ATP8A2: variants seen among roughly 807,000 people sequenced by gnomAD.
ATP8A2 encodes the protein ATPase phospholipid transporting 8A2.
ATP8A2 carries 100 observed loss-of-function variants against 165.6 expected under a neutral mutation model. The ratio of observed to expected loss-of-function variants is 0.60; its 90% CI spans 0.51 to 0.71. The LOEUF is 0.71. Ranked by LOEUF, ATP8A2 falls within the 30% of genes least tolerant of loss-of-function variation. The probability of loss-of-function intolerance (pLI) is 0.00; values close to 1 mark genes in which losing one functional copy is unlikely to be tolerated. For synonymous variants in ATP8A2, 543 were observed against 548.8 expected (o/e 0.99, Z 0.15); for missense variants, 1,227 against 1,479.5 (o/e 0.83, Z 2.80).
chr13:25,939,413 C>A (rs1955006005), intron 33 of ATP8A2, among the ~76,000 whole-genome samples: 1 of 152,200 alleles, frequency 6.6e-6, no homozygotes, highest in Non-Finnish European at 1.5e-5. Context: ...TCACTTCAGG[C>A]ACAGGACCAG....
intron 25 of ATP8A2, among the ~76,000 whole-genome samples, chr13:25,719,273 A>T (rs1247092955): frequency 1.4e-5 from 2 of 147,372 alleles, no homozygotes; most frequent in African/African-American, 5.4e-5. Context: ...TAATTGATTG[A>T]TTCACAGAGG....
intron 24 of ATP8A2, among the ~76,000 whole-genome samples, chr13:25,633,379 A>C (rs1593694221): frequency 6.6e-6 from 1 of 152,170 alleles, no homozygotes; most frequent in Non-Finnish European, 1.5e-5. Flanking sequence ...GATAATACAC[A>C]TCACGAGCCT....
chr13:25,969,931 C>T (rs1288913697), intron 35 of ATP8A2, among the ~76,000 whole-genome samples: 1 of 152,122 alleles, frequency 6.6e-6, no homozygotes, highest in Non-Finnish European at 1.5e-5. Flanking sequence ...CATCAGACAG[C>T]TGAGGCATAA....
Position 25,430,925 on chromosome 13 carries a change from A to G in ATP8A2, c.77-38052A>G, listed in dbSNP as rs142066102. On this transcript the variant is annotated intron_variant, in intron 1 of 36. Coordinates refer to ENST00000381655, the MANE Select transcript of ATP8A2 (RefSeq NM_016529.6). ...GGTAGTTTATAGTGGTCTTTTAAGC[A>G]TGATTATAACTCAAGGGAAGAAACT... 5.0e-3 allele frequency among the ~76,000 whole-genome samples: 758 copies of G among 151,958 alleles called. 4 individuals carry two copies. The highest frequency in any genetic ancestry group is 0.01 in the African/African-American group (417 of 41,462).
intron 24 of ATP8A2, among the ~76,000 whole-genome samples, chr13:25,653,583 A>G (rs549814775): frequency 6.6e-6 from 1 of 152,342 alleles, no homozygotes; most frequent in South Asian, 2.1e-4. Flanking sequence ...AAACCTGCCC[A>G]TGTAATCCTG....
rs1413208210 is a variant in ATP8A2, at chr13:25,581,835, G to C, written c.2024G>C (p.Gly675Ala). 6.2e-7 allele frequency: 1 copy of C among 1,614,026 alleles called. No individual in the cohort carries two copies. The highest frequency in any genetic ancestry group is 8.5e-7 in the Non-Finnish European group (1 of 1,179,954). The change falls in exon 23 of 37, where the codon GGA (glycine) becomes GCA (alanine). Residue 675 changes from glycine to alanine, a missense_variant. Physicochemically the swap from Gly to Ala is moderately conservative, Grantham distance 60. Transcript: ENST00000381655. ...TCAATGTAGAATTTGCTGCTACTTG[G>C]AGCCACAGCCATAGAAGATCGCCTT... ...EIIEKNLLLLGATAIEDRLQA... is the reference protein window; with the variant it reads ...EIIEKNLLLLAATAIEDRLQA...
intron 1 of ATP8A2, among the ~76,000 whole-genome samples, chr13:25,411,086 T>C: frequency 6.6e-6 from 1 of 152,240 alleles, no homozygotes; most frequent in South Asian, 2.1e-4. Context: ...CAATTCATTA[T>C]GACAATATTA....
In ATP8A2 at chr13:25,880,147, T is replaced by G. The variant is rs1374563313; in HGVS notation, c.3183+17739T>G. 3.3e-5 allele frequency among the ~76,000 whole-genome samples: 5 copies of G among 152,224 alleles called. No individual in the cohort carries two copies. In the East Asian group the frequency reaches 9.6e-4, roughly 29 times the overall value. Reference sequence around the variant, plus strand: ...CAGCAAGGAATAATCAGTTATCAGATAATCCTAAGATCAGAAATTGACTAC... The same window carrying G: ...CAGCAAGGAATAATCAGTTATCAGAGAATCCTAAGATCAGAAATTGACTAC... On this transcript the variant is annotated intron_variant, in intron 33 of 36. Coordinates refer to ENST00000381655, the MANE Select transcript of ATP8A2 (RefSeq NM_016529.6).
At chr13:25,940,013 G>T (rs112305346) in intron 33 of ATP8A2, among the ~76,000 whole-genome samples, 4 of 152,086 alleles carry the variant, frequency 2.6e-5, no homozygotes, top group Non-Finnish European at 5.9e-5. Flanking sequence ...GCTGCTCCAC[G>T]TTTGGCGAAA....
intron 24 of ATP8A2, among the ~76,000 whole-genome samples, chr13:25,647,684 T>G (rs139774650): frequency 6.6e-6 from 1 of 151,288 alleles, no homozygotes; most frequent in Non-Finnish European, 1.5e-5. Context: ...TTTTCTTTTT[T>G]TCTTTTTTTT....
intron 24 of ATP8A2, among the ~76,000 whole-genome samples, chr13:25,644,339 A>T (rs1322174599): frequency 6.6e-6 from 1 of 152,048 alleles, no homozygotes; most frequent in Non-Finnish European, 1.5e-5. Context: ...TTTGTCTTTC[A>T]TTCTGTTAAT....
At chr13:25,570,893 C>T (rs749771900) in intron 17 of ATP8A2, 21 bp downstream of exon 17, 21 of 1,566,416 alleles carry the variant, frequency 1.3e-5, no homozygotes, top group African/African-American at 4.1e-5. Flanking sequence ...TGGCCGGATG[C>T]GCCCTGCTGG....
At chr13:26,001,033 C>G (rs147724684) in intron 35 of ATP8A2, among the ~76,000 whole-genome samples, 2,538 of 152,296 alleles carry the variant, frequency 0.017, 35 homozygotes, top group Non-Finnish European at 0.02. Context: ...CTTCCCACTT[C>G]CTTTCCCCCA....
intron 1 of ATP8A2, among the ~76,000 whole-genome samples, chr13:25,398,244 T>C (rs914646078): frequency 6.6e-6 from 1 of 152,216 alleles, no homozygotes; most frequent in African/African-American, 2.4e-5. Flanking sequence ...ATCTGTCATG[T>C]GATGCTACAC....
chr13:25,504,041 C>T (rs1034586991), intron 2 of ATP8A2, among the ~76,000 whole-genome samples: 1 of 152,202 alleles, frequency 6.6e-6, no homozygotes, highest in Admixed American at 6.5e-5. Context: ...TTCTGTCATG[C>T]GCATGGGTAT....
At chr13:25,802,674 C>G (rs1041595224) in intron 27 of ATP8A2, among the ~76,000 whole-genome samples, 3 of 152,072 alleles carry the variant, frequency 2.0e-5, no homozygotes, top group African/African-American at 2.4e-5. Context: ...ATTAATTTAG[C>G]AATAGATAAG....
chr13:25,499,204 T>C (rs1046561961), intron 2 of ATP8A2, among the ~76,000 whole-genome samples: 1 of 152,152 alleles, frequency 6.6e-6, no homozygotes, highest in African/African-American at 2.4e-5. Flanking sequence ...CCTCACTAAA[T>C]TGAGTGCAGC....
chr13:25,957,764 G>A (rs1300202569), intron 33 of ATP8A2, among the ~76,000 whole-genome samples: 1 of 152,026 alleles, frequency 6.6e-6, no homozygotes, highest in East Asian at 1.9e-4. Context: ...TCCATTCCTG[G>A]GTATATACCC....
intron 35 of ATP8A2, 56 bp downstream of exon 35, chr13:25,968,735 T>G (rs184036454): frequency 7.4e-7 from 1 of 1,360,528 alleles, no homozygotes; most frequent in East Asian, 2.3e-5. Context: ...CCCTTTTCCC[T>G]TATTCCTTCC....
Sources: gnomAD v4.1 joint callset for allele counts (sites outside exome capture counted in the v4.1 genomes callset) on GRCh38, gnomAD v4.1.1 for gene constraint, MANE v1.5 for transcripts, NCBI Gene and HGNC (gene_info 2026-07-23, HGNC 2026-07-21) for gene names.